GOLGA3: variants seen among roughly 807,000 people sequenced by gnomAD.
GOLGA3 encodes golgin subfamily A member 3.
A neutral mutation model predicts 169.4 loss-of-function variants in GOLGA3; 75 were observed. The ratio of observed to expected loss-of-function variants is 0.44; its 90% confidence interval spans 0.37 to 0.54. GOLGA3 has a LOEUF of 0.54. Among genes scored for constraint, GOLGA3 ranks in the 20% least tolerant of loss-of-function variants. The pLI is 0.00. For synonymous variants in GOLGA3, 824 were observed against 822.4 expected (o/e 1.00, Z -0.03); for missense variants, 1,899 against 1,930.0 (o/e 0.98, Z 0.30).
At chr12:132,775,424 A>G in intron 21 of GOLGA3, 119 bp from the exon 22 acceptor site, 8 of 830,490 alleles carry the variant, frequency 9.6e-6, no homozygotes, top group Non-Finnish European at 1.5e-5. Flanking sequence ...CATCTAGATG[A>G]TGCCAGTCCA....
intron 11 of GOLGA3, among the ~76,000 whole-genome samples, chr12:132,793,042 C>A (rs1948643210): frequency 1.4e-5 from 1 of 71,626 alleles, no homozygotes; most frequent in East Asian, 4.3e-4. Context: ...CCACACAGAC[C>A]CACCGCACGG....
intron 21 of GOLGA3, 89 bp from the exon 22 acceptor site, chr12:132,775,394 A>T (rs757342536): frequency 8.8e-7 from 1 of 1,139,416 alleles, no homozygotes; most frequent in Non-Finnish European, 1.3e-6. Flanking sequence ...GGTTAAGCAC[A>T]CACATGTCCT....
Position 132,789,038 on chromosome 12 carries a change from T to C in GOLGA3, c.2800A>G (p.Thr934Ala). ...CGACACGGACAGACCTGCAAGTGTG[T>C]TTCCATCTCGTCTCGCTCCTTCTGC... ...SAQKERDEME[T>A]HLQSLQFDKE... Residue 934 changes from threonine to alanine, a missense_variant, in exon 13 of 24, where the codon ACA (threonine) becomes GCA (alanine). Coordinates refer to ENST00000450791, the MANE Select transcript of GOLGA3 (RefSeq NM_001389683.1). 6.4e-7 allele frequency: 1 copy of C among 1,557,964 alleles called. No individual in the cohort carries two copies. The highest frequency in any genetic ancestry group is 8.7e-7 in the Non-Finnish European group (1 of 1,147,570).
Position 132,772,490 on chromosome 12 carries a change from G to C in GOLGA3, c.*615C>G, listed in dbSNP as rs1029117966. On this transcript the variant is annotated 3_prime_UTR_variant, in exon 24 of 24. Coordinates refer to ENST00000450791, the MANE Select transcript of GOLGA3 (RefSeq NM_001389683.1). The stretch of plus-strand genomic sequence containing the variant: ...ACCTGGGAGGCGGAGCTTGCAGTGA[G>C]CGGAGAGTGTGCCACTGCACTCCAG... 6.9e-6 allele frequency: 1 copy of C among 145,562 alleles called. No homozygotes were observed. Among genetic ancestry groups the C allele is most frequent in the Non-Finnish European group, 1.5e-5 (1 of 67,044 alleles). The allele number at this position is 145,562 out of a possible 1,614,324, so 9.0% of individuals were successfully genotyped here. A position where few individuals can be genotyped will look rare whatever the true frequency, so the allele number is the denominator to read the frequency against.
intron 8 of GOLGA3, 100 bp downstream of exon 8, chr12:132,801,667 T>A: frequency 8.7e-6 from 10 of 1,147,254 alleles, no homozygotes; most frequent in South Asian, 4.1e-5. Context: ...AACAAAAACA[T>A]GCCTGTGAAC....
chr12:132,780,821 TCTC>T lies in GOLGA3; in HGVS notation c.3556_3558del (p.Glu1186del). 6.2e-7 allele frequency: 1 copy of T among 1,609,918 alleles called. No individual in the cohort carries two copies. The highest frequency in any genetic ancestry group is 8.5e-7 in the Non-Finnish European group (1 of 1,178,248). ...ACCTGCTCCTTGAGGCTGTTCACCT[TCTC>T]CTTCTCCTTCTCTAGTGAGGCCTGC... On this transcript the variant is annotated inframe_deletion, in exon 18 of 24. Coordinates refer to ENST00000450791, the MANE Select transcript of GOLGA3 (RefSeq NM_001389683.1).
rs1566059995 is a variant in GOLGA3 at position 132,772,558 on chromosome 12, A to AAAC, written c.*546_*547insGTT. 3 of 151,874 alleles carry AAAC rather than the reference A, an allele frequency of 2.0e-5. No individual in the cohort carries two copies. The highest frequency in any genetic ancestry group is 6.6e-5 in the Admixed American group (1 of 15,216). 9.4% of individuals were successfully genotyped at this position (151,874 alleles called of 1,614,324 possible). A position where few individuals can be genotyped will look rare whatever the true frequency, so the allele number is the denominator to read the frequency against. Reference sequence around the variant, plus strand: ...GACTCTGTCTCAAAAAAAAAAAAAAAAAAAAAACAAAGATTGGATTATGAT... The same window carrying AAAC: ...GACTCTGTCTCAAAAAAAAAAAAAAAAACAAAAAAACAAAGATTGGATTATGAT... On this transcript the variant is annotated 3_prime_UTR_variant, in exon 24 of 24. Coordinates refer to ENST00000450791, the MANE Select transcript of GOLGA3 (RefSeq NM_001389683.1).
At chr12:132,829,012 A>C (rs1950537966), upstream of GOLGA3, among the ~76,000 whole-genome samples, 2 of 152,216 alleles carry the variant, frequency 1.3e-5, no homozygotes, top group Non-Finnish European at 2.9e-5. Context: ...GTCCGGATCG[A>C]GCTCACCTCC....
At chr12:132,828,070 G>A (rs1342644911) in intron 1 of GOLGA3, among the ~76,000 whole-genome samples, 1 of 152,074 alleles carries the variant, frequency 6.6e-6, no homozygotes, top group Non-Finnish European at 1.5e-5. Context: ...CCGCCCTCAG[G>A]GTCTTCAAAC....
chr12:132,814,686 T>C (rs1160263590), intron 3 of GOLGA3, among the ~76,000 whole-genome samples: 1 of 152,212 alleles, frequency 6.6e-6, no homozygotes, highest in Non-Finnish European at 1.5e-5. Context: ...GGGTAAATGC[T>C]GCACAGGCTC....
chr12:132,789,326 G>A (rs778119760), intron 12 of GOLGA3, 36 bp from the exon 13 acceptor site: 21 of 1,523,842 alleles, frequency 1.4e-5, no homozygotes, highest in Middle Eastern at 2.4e-4. Flanking sequence ...GACGCTGGGC[G>A]GCGGGGCGTG....
chr12:132,786,597 C>A (rs1279725168), intron 14 of GOLGA3, 42 bp from the exon 15 acceptor site: 2 of 1,601,896 alleles, frequency 1.2e-6, no homozygotes, highest in South Asian at 2.2e-5. Flanking sequence ...GCTGAATTAT[C>A]CCGATGTGAC....
intron 13 of GOLGA3, 26 bp downstream of exon 13, chr12:132,789,001 A>T (rs2046078850): frequency 2.3e-6 from 3 of 1,311,990 alleles, no homozygotes; most frequent in Non-Finnish European, 3.0e-6. Context: ...CTCCCCATCA[A>T]ATGAGTCAAC....
In GOLGA3 at chr12:132,780,842, A is replaced by G; in HGVS notation, c.3538T>C (p.Ser1180Pro). The G allele has an allele frequency of 6.2e-7, 1 of 1,612,282 alleles. No individual in the cohort carries two copies. The highest frequency in any genetic ancestry group is 8.5e-7 in the Non-Finnish European group (1 of 1,179,930). ...MKHLVQALQA[S>P]LEKEKEKVNS... ...ACCTTCTCCTTCTCCTTCTCTAGTG[A>G]GGCCTGCAGGGCCTGGACAAGATGC... Residue 1180 changes from serine to proline, a missense_variant, in exon 18 of 24, where the codon TCA becomes CCA. Coordinates refer to ENST00000450791, the MANE Select transcript of GOLGA3 (RefSeq NM_001389683.1).
At chr12:132,821,573 G>A (rs1039502425) in intron 2 of GOLGA3, among the ~76,000 whole-genome samples, 15 of 151,976 alleles carry the variant, frequency 9.9e-5, no homozygotes, top group Admixed American at 1.3e-4. Flanking sequence ...ACTTTGGGCC[G>A]GGCACAGTGG....
chr12:132,785,646 TAC>T (rs1402345854), intron 15 of GOLGA3, among the ~76,000 whole-genome samples: 1 of 152,198 alleles, frequency 6.6e-6, no homozygotes, highest in Non-Finnish European at 1.5e-5. Context: ...CACGTTATGA[TAC>T]AGTCTCTTCC....
At chr12:132,807,042 G>A (rs1593338234) in intron 6 of GOLGA3, 135 bp downstream of exon 6, 2 of 581,944 alleles carry the variant, frequency 3.4e-6, no homozygotes, top group East Asian at 5.9e-5. Flanking sequence ...ACGTAAAGAT[G>A]CAGAACCCTC....
At position 132,782,437 on chromosome 12, in the gene GOLGA3, C is replaced by G. The variant is rs775980822; in HGVS notation, c.3324G>C (p.Lys1108Asn). 1 of 1,614,170 alleles carries G rather than the reference C, an allele frequency of 6.2e-7. No homozygotes were observed. Among genetic ancestry groups the G allele is most frequent in the South Asian group, 1.1e-5 (1 of 91,090 alleles). The change falls in exon 17 of 24, where the codon AAG becomes AAC. Residue 1108 changes from lysine (K) to asparagine (N), a missense_variant. Coordinates refer to ENST00000450791, the MANE Select transcript of GOLGA3 (RefSeq NM_001389683.1). ...KKIKRLEESN[K>N]KLALELEHEK... ...CGTGCTCTAATTCAAGAGCCAACTT[C>G]TTGTTTGACTCCTCAAGGCGTTTTA... is the stretch of plus-strand genomic sequence containing the variant.
At position 132,771,511 on chromosome 12, in the gene GOLGA3, CAGA is replaced by C. The variant is rs1241606042; in HGVS notation, c.*1591_*1593del. 1 of 152,214 alleles carries C rather than the reference CAGA, an allele frequency of 6.6e-6. No homozygotes were observed. Among genetic ancestry groups the C allele is most frequent in the Non-Finnish European group, 1.5e-5 (1 of 68,044 alleles). 9.4% of individuals were successfully genotyped at this position (152,214 alleles called of 1,614,324 possible). A position where few individuals can be genotyped will look rare whatever the true frequency, so the allele number is the denominator to read the frequency against. On this transcript the variant is annotated 3_prime_UTR_variant, in exon 24 of 24. Transcript: ENST00000450791. ...GGGTTTCAGGATTTGGGGTAGGAAA[CAGA>C]AGATCTCACACATGTCGTGCTGATT...
Sources: allele counts gnomAD v4.1 joint callset (sites outside exome capture counted in the v4.1 genomes callset), GRCh38; gene constraint gnomAD v4.1.1; transcripts MANE v1.5; gene names NCBI Gene and HGNC (gene_info 2026-07-23, HGNC 2026-07-21).